The following ERV3-1 variants were observed in gnomAD, a reference collection of about 807,000 sequenced individuals.
The protein encoded by ERV3-1 is endogenous retrovirus group 3 member 1 Env polyprotein.
ERV3-1 carries 36 observed loss-of-function variants against 24.6 expected under a neutral mutation model. That is an observed-to-expected ratio of 1.47 (90% CI 1.12 to 1.94). The LOEUF (loss-of-function observed/expected upper bound fraction) is 1.94. ERV3-1 is among the 30% of genes most tolerant of loss of function. The pLI, the probability that ERV3-1 is intolerant of heterozygous loss-of-function variation, is 0.00. For missense variants in ERV3-1, 578 were observed against 330.9 expected (o/e 1.75, Z -5.79); for synonymous variants, 211 against 122.6 (o/e 1.72, Z -4.76).
chr7:64,992,162 C>A lies in ERV3-1; in HGVS notation c.865G>T (p.Val289Phe), dbSNP rs371937339. 4 of 766,250 alleles carry A rather than the reference C, an allele frequency of 5.2e-6. No individual in the cohort carries two copies. Among genetic ancestry groups the A allele is most frequent in the South Asian group, 1.3e-5 (1 of 74,630 alleles). The allele number at this position is 766,250 out of a possible 1,614,324, so 47.5% of individuals were successfully genotyped here. A position where few individuals can be genotyped will look rare whatever the true frequency, so the allele number is the denominator to read the frequency against. ...LAENIASSLHVASCYVCGGMN... is the reference protein window; with the variant it reads ...LAENIASSLHFASCYVCGGMN... Reference sequence around the variant, plus strand: ...CCCCCACAGACATAACATGAAGCAACGTGCAGGCTGCTGGCTATGTTTTCA... The same window carrying A: ...CCCCCACAGACATAACATGAAGCAAAGTGCAGGCTGCTGGCTATGTTTTCA... Residue 289 changes from valine to phenylalanine, a missense_variant, in exon 2 of 2, where the codon GTT becomes TTT. By Grantham distance (50) the Val-to-Phe change is conservative. Transcript: ENST00000394323.
chr7:65,005,989 A>G (rs548989420), intron 1 of ERV3-1: 1 of 153,216 alleles, frequency 6.5e-6, no homozygotes, highest in African/African-American at 2.4e-5. Flanking sequence ...CCAATTATTG[A>G]ATTTGCTTTC....
rs976491279 is a variant in ERV3-1 at position 65,006,538 on chromosome 7, C to A, written c.-389+3G>T. The A allele has an allele frequency of 1.3e-6, 2 of 1,576,472 alleles. No homozygotes were observed. The highest frequency in any genetic ancestry group is 3.3e-5 in the Admixed American group (2 of 59,712). Reference sequence around the variant, plus strand: ...CTCGGGATGTCGGACCCGGCACTCTCACCATTTCTAGGCTTCCAGTGGGTC... The same window carrying A: ...CTCGGGATGTCGGACCCGGCACTCTAACCATTTCTAGGCTTCCAGTGGGTC... On this transcript the variant is annotated splice_donor_region_variant and intron_variant, in intron 1 of 1. Coordinates refer to ENST00000394323, the MANE Select transcript of ERV3-1 (RefSeq NM_001007253.4).
chr7:64,993,148 G>A lies in ERV3-1; in HGVS notation c.-122C>T. ...GATTTCTAACCACATTTACTTCCCT[G>A]ATGATGACTCAAGCTTCGGCCGTGC... On this transcript the variant is annotated 5_prime_UTR_variant, in exon 2 of 2. The change creates a premature stop within an existing upstream ORF in the 5' untranslated region. Coordinates refer to ENST00000394323, the MANE Select transcript of ERV3-1 (RefSeq NM_001007253.4). 1 of 606,316 alleles carries A rather than the reference G, an allele frequency of 1.6e-6. No individual in the cohort carries two copies. The highest frequency in any genetic ancestry group is 2.0e-5 in the South Asian group (1 of 50,296). 37.6% of individuals were successfully genotyped at this position (606,316 alleles called of 1,614,324 possible).
chr7:65,000,297 A>T (rs6968439), intron 1 of ERV3-1, among the ~76,000 whole-genome samples: 46,661 of 151,670 alleles, frequency 0.31, 8,108 homozygotes, highest in South Asian at 0.42. Context: ...ATCTCTGCTC[A>T]CTGCAAGCTC....
intron 1 of ERV3-1, among the ~76,000 whole-genome samples, chr7:65,003,392 G>A (rs1431695166): frequency 1.3e-5 from 2 of 152,172 alleles, no homozygotes; most frequent in South Asian, 2.1e-4. Context: ...TGAGGCAAGA[G>A]ATTTGCTGGA....
chr7:64,999,332 G>A (rs1212420019), intron 1 of ERV3-1, among the ~76,000 whole-genome samples: 1 of 152,214 alleles, frequency 6.6e-6, no homozygotes, highest in East Asian at 1.9e-4. Context: ...CCTCCTGGCT[G>A]GCTCGCCAAA....
chr7:65,000,662 G>A (rs1475345562), intron 1 of ERV3-1, among the ~76,000 whole-genome samples: 1 of 152,196 alleles, frequency 6.6e-6, no homozygotes, highest in East Asian at 1.9e-4. Context: ...GTATGCACCT[G>A]CAGTCCCAGC....
chr7:64,993,862 A>G lies in ERV3-1; in HGVS notation c.-388-448T>C, dbSNP rs1464911142. Among the ~76,000 whole-genome samples the G allele has an allele frequency of 2.6e-5, 4 of 152,286 alleles. No homozygotes were observed. In the East Asian group the frequency reaches 7.7e-4, roughly 29 times the overall value. On this transcript the variant is annotated intron_variant, in intron 1 of 1. Transcript: ENST00000394323. ...ACTTTTCCTAAGCTCTGCAGCCGGT[A>G]GGCTGTGTGTAATTTCCATTTTATT...
At chr7:65,002,500 T>A (rs1786545821) in intron 1 of ERV3-1, among the ~76,000 whole-genome samples, 1 of 151,230 alleles carries the variant, frequency 6.6e-6, no homozygotes, top group African/African-American at 2.4e-5. Flanking sequence ...ATTTTTATAT[T>A]TTTTTTTAGT....
chr7:64,993,020 C>T lies in ERV3-1; in HGVS notation c.7G>A (p.Gly3Ser). 1 of 744,380 alleles carries T rather than the reference C, an allele frequency of 1.3e-6. No individual in the cohort carries two copies. Among genetic ancestry groups the T allele is most frequent in the Non-Finnish European group, 2.5e-6 (1 of 402,800 alleles). The allele number at this position is 744,380 out of a possible 1,614,324, so 46.1% of individuals were successfully genotyped here. MLGMNMLLITLFL... is the reference protein window; with the variant it reads MLSMNMLLITLFL... ...AAAGTGATGAGTAGCATGTTCATAC[C>T]CAGCATGGACAGAAAAGGCTTTTTC... The change falls in exon 2 of 2, where the codon GGT (glycine) becomes AGT (serine). Residue 3 changes from glycine (G) to serine (S), a missense_variant. By Grantham distance (56) the Gly-to-Ser change is moderately conservative (BLOSUM62 0). Coordinates refer to ENST00000394323, the MANE Select transcript of ERV3-1 (RefSeq NM_001007253.4).
intron 1 of ERV3-1, chr7:65,005,956 A>C (rs1786639237): frequency 6.6e-6 from 1 of 152,554 alleles, no homozygotes; most frequent in Non-Finnish European, 1.5e-5. Context: ...GTACAAATTA[A>C]GAAACTACAT....
chr7:64,993,795 T>C (rs62456478), intron 1 of ERV3-1, among the ~76,000 whole-genome samples: 5,611 of 152,306 alleles, frequency 0.037, 167 homozygotes, highest in East Asian at 0.15. Flanking sequence ...TTCTTGGCAA[T>C]ATTTCTTCAG....
chr7:65,002,019 T>A (rs567195214), intron 1 of ERV3-1, among the ~76,000 whole-genome samples: 1 of 152,320 alleles, frequency 6.6e-6, no homozygotes, highest in Non-Finnish European at 1.5e-5. Flanking sequence ...AATACTGTAG[T>A]TATGTTTACC....
chr7:64,991,509 G>A lies in ERV3-1; in HGVS notation c.1518C>T (p.Arg506=), dbSNP rs1162827487. ...TWAEDGMWGY[R]TPVYMLNRII... is the part of the protein sequence containing the mutation. Reference sequence around the variant, plus strand: ...TGCGGTTAAGCATGTAAACTGGGGTGCGGTATCCCCACATTCCATCTTCTG... The same window carrying A: ...TGCGGTTAAGCATGTAAACTGGGGTACGGTATCCCCACATTCCATCTTCTG... Residue 506 remains arginine (R), a synonymous_variant, in exon 2 of 2, where the codon CGC becomes CGT. Transcript: ENST00000394323. The A allele has an allele frequency of 2.8e-6, 2 of 704,026 alleles. No homozygotes were observed. Among genetic ancestry groups the A allele is most frequent in the East Asian group, 2.7e-5 (1 of 37,290 alleles). The allele number at this position is 704,026 out of a possible 1,614,324, so 43.6% of individuals were successfully genotyped here.
rs1786324991 is a variant in ERV3-1, at chr7:64,993,216, T to C, written c.-190A>G. On this transcript the variant is annotated 5_prime_UTR_variant, in exon 2 of 2. Transcript: ENST00000394323. ...TGGGGTGACTAGAGCAGGGCTGTTG[T>C]CTCCTCAAGCTTCAGCCGTGTGTGG... 3.5e-6 allele frequency: 2 copies of C among 574,040 alleles called. No homozygotes were observed. Among genetic ancestry groups the C allele is most frequent in the African/African-American group, 1.9e-5 (1 of 53,386 alleles). 35.6% of individuals were successfully genotyped at this position (574,040 alleles called of 1,614,324 possible). A position where few individuals can be genotyped will look rare whatever the true frequency, so the allele number is the denominator to read the frequency against.
intron 1 of ERV3-1, among the ~76,000 whole-genome samples, chr7:65,003,051 G>A (rs1371205444): frequency 6.6e-6 from 1 of 152,146 alleles, no homozygotes; most frequent in Non-Finnish European, 1.5e-5. Context: ...CCATCTTAAT[G>A]TTAACTGCAT....
Position 64,992,838 on chromosome 7 carries a change from G to T in ERV3-1, c.189C>A (p.His63Gln), listed in dbSNP as rs201777437. 86 of 766,304 alleles carry T rather than the reference G, an allele frequency of 1.1e-4. No individual in the cohort carries two copies. Among genetic ancestry groups the T allele is most frequent in the Non-Finnish European group, 1.9e-4 (78 of 417,916 alleles). The allele number at this position is 766,304 out of a possible 1,614,324, so 47.5% of individuals were successfully genotyped here. ...CACAGACTGAGTAGGTTGTCTGGTT[G>T]TGAGTACAAGTTCCTAGGCAGGTCC... ...CAGTCLGTCTHNQTTYSVCDP... is the reference protein window; with the variant it reads ...CAGTCLGTCTQNQTTYSVCDP... Residue 63 changes from histidine (H) to glutamine (Q), a missense_variant, in exon 2 of 2, where the codon CAC becomes CAA. His to Gln is a conservative substitution (Grantham distance 24, BLOSUM62 0). Transcript: ENST00000394323.
rs576350049 is a variant in ERV3-1, at chr7:64,992,418, G to T, written c.609C>A (p.Thr203=). 2 of 766,230 alleles carry T rather than the reference G, an allele frequency of 2.6e-6. No homozygotes were observed. Among genetic ancestry groups the T allele is most frequent in the Non-Finnish European group, 4.8e-6 (2 of 417,914 alleles). 47.5% of individuals were successfully genotyped at this position (766,230 alleles called of 1,614,324 possible). A position where few individuals can be genotyped will look rare whatever the true frequency, so the allele number is the denominator to read the frequency against. ...ATATGGGCTGATCTGGCTCTAAGAT[G>T]GTAAGATTTACAGAATTGCAAGTGC... ...KTSTCNSVNL[T]ILEPDQPIWT... Residue 203 remains threonine, a synonymous_variant, in exon 2 of 2, where the codon ACC becomes ACA. Transcript: ENST00000394323.
intron 1 of ERV3-1, among the ~76,000 whole-genome samples, chr7:64,995,104 C>A (rs920419063): frequency 1.3e-5 from 2 of 152,234 alleles, no homozygotes; most frequent in Non-Finnish European, 2.9e-5. Flanking sequence ...TGGATTTTCA[C>A]ATAGGAGCCC....
Sources: gnomAD v4.1 joint callset for allele counts (sites outside exome capture counted in the v4.1 genomes callset) on GRCh38, gnomAD v4.1.1 for gene constraint, MANE v1.5 for transcripts, NCBI Gene and HGNC (gene_info 2026-07-23, HGNC 2026-07-21) for gene names.